Variants in MTRF1 observed in about 807,000 individuals in gnomAD.
The protein encoded by MTRF1 is peptide chain release factor 1, mitochondrial.
A neutral mutation model predicts 62.9 loss-of-function variants in MTRF1; 51 were observed. The observed-to-expected ratio is 0.81, with a 90% CI of 0.65 to 1.02. The LOEUF (loss-of-function observed/expected upper bound fraction) is 1.02. Ranked by LOEUF, MTRF1 falls within the 50% of genes least tolerant of loss-of-function variation. The pLI, the probability that MTRF1 is intolerant of heterozygous loss-of-function variation, is 0.00. For missense variants in MTRF1, 446 were observed against 530.0 expected, an observed-to-expected ratio of 0.84 and a Z score of 1.56; for synonymous variants, 158 against 181.9, an observed-to-expected ratio of 0.87 and a Z score of 1.06.
chr13:41,230,726 C>CT (rs571291052), intron 7 of MTRF1, among the ~76,000 whole-genome samples: 71,820 of 144,378 alleles, frequency 0.5, 18,772 homozygotes, highest in South Asian at 0.63. Flanking sequence ...GATGGTTTCC[C>CT]TTTTTTTTTT....
At chr13:41,268,342 C>A (rs964919582), upstream of MTRF1, among the ~76,000 whole-genome samples, 3 of 151,602 alleles carry the variant, frequency 2.0e-5, no homozygotes, top group African/African-American at 7.3e-5. Flanking sequence ...TTAATTAGAT[C>A]AAAAAAAGAC....
chr13:41,229,766 A>C (rs1335167576), intron 7 of MTRF1: 1 of 152,204 alleles, frequency 6.6e-6, no homozygotes, highest in African/African-American at 2.4e-5. Context: ...AGTATTCAAC[A>C]ATTTATGGAC....
rs1292042060 is a variant in MTRF1 at position 41,217,228 on chromosome 13, C to T, written c.1225G>A (p.Glu409Lys). Residue 409 changes from glutamate to lysine, a missense_variant and splice_region_variant, in exon 10 of 10, where the codon GAA becomes AAA. Coordinates refer to ENST00000379480, the MANE Select transcript of MTRF1 (RefSeq NM_004294.4). Reference sequence around the variant, plus strand: ...AGGCCCTTCCCACCACATAAAAATTCCTGGTAAAAGAGAGAGCTATTATGA... The same window carrying T: ...AGGCCCTTCCCACCACATAAAAATTTCTGGTAAAAGAGAGAGCTATTATGA... ...RIAYEVRDIKEFLCGGKGLDQ... is the reference protein window; with the variant it reads ...RIAYEVRDIKKFLCGGKGLDQ... The T allele has an allele frequency of 2.5e-6, 4 of 1,583,276 alleles. No individual in the cohort carries two copies. Among genetic ancestry groups the T allele is most frequent in the South Asian group, 1.2e-5 (1 of 86,908 alleles).
At position 41,260,698 on chromosome 13, in the gene MTRF1, C is replaced by T. The variant is rs370208476; in HGVS notation, c.210G>A (p.Trp70Ter). ...TATATTTCTGTAGTGCTTTATGCTT[C>T]CAGAGCATCTTGGTGTCTTGATGGC... ...RYCHQDTKMLWKHKALQKYME... is the reference protein window; with the variant it reads ...RYCHQDTKML Residue 70 changes from tryptophan (W) to a stop codon, truncating the protein, a stop_gained, in exon 2 of 10, where the codon TGG becomes TGA. Transcript: ENST00000379480. LOFTEE classifies it high-confidence loss of function. 6.9e-5 allele frequency: 111 copies of T among 1,613,964 alleles called. No homozygotes were observed. The highest frequency in any genetic ancestry group is 8.8e-5 in the Non-Finnish European group (104 of 1,179,964).
the MTRF1 span, among the ~76,000 whole-genome samples, chr13:41,287,145 C>G: frequency 3.9e-5 from 6 of 152,168 alleles, no homozygotes; most frequent in Non-Finnish European, 8.8e-5. Flanking sequence ...AGAACAACCA[C>G]GTGGCTCAGT....
At chr13:41,246,421 C>A (rs978797898) in intron 5 of MTRF1, among the ~76,000 whole-genome samples, 2 of 152,052 alleles carry the variant, frequency 1.3e-5, no homozygotes, top group African/African-American at 2.4e-5. Context: ...GAAGATATAA[C>A]CATTTGGTTT....
intron 5 of MTRF1, among the ~76,000 whole-genome samples, chr13:41,241,839 G>T (rs2037539419): frequency 2.6e-5 from 4 of 152,190 alleles, no homozygotes; most frequent in Non-Finnish European, 5.9e-5. Flanking sequence ...GCAGACACTG[G>T]ATCAGACACC....
chr13:41,300,652 C>T, the MTRF1 span, among the ~76,000 whole-genome samples: 1 of 151,938 alleles, frequency 6.6e-6, no homozygotes, highest in African/African-American at 2.4e-5. Flanking sequence ...TCAAGCAATC[C>T]TCCTGCCTCA....
At chr13:41,284,843 G>A in the MTRF1 span, among the ~76,000 whole-genome samples, 2 of 152,098 alleles carry the variant, frequency 1.3e-5, no homozygotes, top group Admixed American at 1.3e-4. Flanking sequence ...TAGTAGAGAC[G>A]GGATTTCACC....
At chr13:41,279,335 A>T in the MTRF1 span, among the ~76,000 whole-genome samples, 1 of 152,196 alleles carries the variant, frequency 6.6e-6, no homozygotes, top group Non-Finnish European at 1.5e-5. Context: ...TCTGTCTTTG[A>T]AGCCTGCTAC....
At chr13:41,232,292 T>C (rs896715462) in intron 7 of MTRF1, among the ~76,000 whole-genome samples, 2 of 151,008 alleles carry the variant, frequency 1.3e-5, no homozygotes, top group African/African-American at 4.9e-5. Flanking sequence ...AAATAATTTT[T>C]TTACAATCAG....
the MTRF1 span, among the ~76,000 whole-genome samples, chr13:41,273,098 G>A: frequency 3.0e-4 from 45 of 152,008 alleles, 1 homozygote; most frequent in African/African-American, 1.1e-3. Context: ...AGGCCGAGGC[G>A]GGTGGATCAC....
chr13:41,226,469 TTCTC>T lies in MTRF1; in HGVS notation c.1084_1087del (p.Glu362LysfsTer38). 6.2e-7 allele frequency: 1 copy of T among 1,613,292 alleles called. No individual in the cohort carries two copies. Among genetic ancestry groups the T allele is most frequent in the Non-Finnish European group, 8.5e-7 (1 of 1,179,890 alleles). ...AGCACTTTGTTGCTGACGCTTGTCT[TTCTC>T]AATAATCTGCTGGTAGAGTCTAGCT... On this transcript the variant is annotated frameshift_variant, in exon 8 of 10. Transcript: ENST00000379480. LOFTEE classifies it high-confidence loss of function.
intron 9 of MTRF1, among the ~76,000 whole-genome samples, chr13:41,222,811 G>A (rs1041049502): frequency 6.6e-5 from 10 of 152,316 alleles, no homozygotes; most frequent in African/African-American, 2.4e-4. Flanking sequence ...TATGGAGCCT[G>A]GCCATGCCTT....
At chr13:41,268,410 G>T (rs2324805), upstream of MTRF1, among the ~76,000 whole-genome samples, 4,928 of 152,140 alleles carry the variant, frequency 0.032, 178 homozygotes, top group Non-Finnish European at 0.04. Context: ...AAAAACATTT[G>T]ATATCACAGA....
intron 2 of MTRF1, 40 bp downstream of exon 2, chr13:41,260,453 C>A: frequency 6.9e-7 from 1 of 1,457,450 alleles, no homozygotes; most frequent in Non-Finnish European, 9.3e-7. Context: ...TTTTTTTTTT[C>A]ATAGCCCTTA....
chr13:41,258,840 A>G (rs914901571), intron 2 of MTRF1, among the ~76,000 whole-genome samples: 1 of 152,132 alleles, frequency 6.6e-6, no homozygotes, highest in African/African-American at 2.4e-5. Flanking sequence ...TGAAGAGAAA[A>G]CCACAGAATG....
chr13:41,307,736 C>A, the MTRF1 span, among the ~76,000 whole-genome samples: 1 of 152,146 alleles, frequency 6.6e-6, no homozygotes, highest in Non-Finnish European at 1.5e-5. Flanking sequence ...GAGGCCTCCC[C>A]AGCCATGCTT....
the MTRF1 span, among the ~76,000 whole-genome samples, chr13:41,286,833 C>T: frequency 6.6e-6 from 1 of 152,136 alleles, no homozygotes; most frequent in Admixed American, 6.5e-5. Flanking sequence ...GTTTGTTATA[C>T]TCATTTCATT....
Sources: gnomAD v4.1 joint callset for allele counts (sites outside exome capture counted in the v4.1 genomes callset) on GRCh38, gnomAD v4.1.1 for gene constraint, MANE v1.5 for transcripts, NCBI Gene and HGNC (gene_info 2026-07-23, HGNC 2026-07-21) for gene names.